Variants in TBC1D22A observed in about 807,000 individuals in gnomAD.
The protein encoded by TBC1D22A is TBC1 domain family member 22A.
TBC1D22A carries 38 observed loss-of-function variants against 60.2 expected under a neutral mutation model. That is an observed-to-expected ratio of 0.63 (90% CI 0.49 to 0.83). The LOEUF is 0.83. Among genes scored for constraint, TBC1D22A ranks in the 40% least tolerant of loss-of-function variants. The probability of loss-of-function intolerance (pLI) is 0.00; values close to 1 mark genes in which losing one functional copy is unlikely to be tolerated. For synonymous variants in TBC1D22A, 302 were observed against 281.7 expected (o/e 1.07, Z -0.72); for missense variants, 628 against 701.0 (o/e 0.90, Z 1.18).
intron 11 of TBC1D22A, among the ~76,000 whole-genome samples, chr22:47,094,663 A>C (rs746784789): frequency 3.9e-5 from 6 of 152,198 alleles, no homozygotes; most frequent in Non-Finnish European, 8.8e-5. Flanking sequence ...CCAAAGAATA[A>C]ATATCCATTG....
intron 4 of TBC1D22A, among the ~76,000 whole-genome samples, chr22:46,809,621 G>A (rs762666226): frequency 5.9e-5 from 9 of 152,044 alleles, no homozygotes; most frequent in African/African-American, 9.7e-5. Flanking sequence ...CAGGACCATG[G>A]GCTTTGGGGT....
At chr22:46,957,666 C>T (rs1025113952) in intron 8 of TBC1D22A, among the ~76,000 whole-genome samples, 7 of 152,148 alleles carry the variant, frequency 4.6e-5, no homozygotes. Context: ...GGAACTGGCT[C>T]GGGATCCCAG....
intron 4 of TBC1D22A, among the ~76,000 whole-genome samples, chr22:46,803,668 CTCAGAAGAGAATAACG>C (rs1278146431): frequency 1.3e-5 from 2 of 152,230 alleles, no homozygotes; most frequent in Non-Finnish European, 2.9e-5. Context: ...CAGGCACAGC[CTCAGAAGAGAATAACG>C]TGAGGGACGA....
intron 11 of TBC1D22A, among the ~76,000 whole-genome samples, chr22:47,044,041 C>T (rs937861582): frequency 1.2e-5 from 1 of 85,844 alleles, no homozygotes; most frequent in Non-Finnish European, 2.4e-5. Context: ...TCATAGCAGC[C>T]CAGGCAGCTG....
intron 12 of TBC1D22A, among the ~76,000 whole-genome samples, chr22:47,159,409 T>C (rs1444841269): frequency 6.8e-6 from 1 of 146,224 alleles, no homozygotes; most frequent in Non-Finnish European, 1.5e-5. Flanking sequence ...ACTCTCACCA[T>C]GTATACACAC....
At chr22:47,104,174 T>C (rs945921861) in intron 11 of TBC1D22A, among the ~76,000 whole-genome samples, 3 of 151,802 alleles carry the variant, frequency 2.0e-5, no homozygotes, top group African/African-American at 7.3e-5. Context: ...GGTGTGGTGG[T>C]GTGTGCCTGT....
At chr22:46,939,282 CTG>C (rs1216891053) in intron 8 of TBC1D22A, among the ~76,000 whole-genome samples, 1 of 152,218 alleles carries the variant, frequency 6.6e-6, no homozygotes, top group Non-Finnish European at 1.5e-5. Context: ...AATTCGCAGA[CTG>C]TGCACCTTCA....
rs563180307 is a variant in TBC1D22A, at chr22:47,137,829, A to AGGGAGTG, written c.1425+26239_1425+26245dup. Among the ~76,000 whole-genome samples, 261 of 151,990 alleles carry AGGGAGTG rather than the reference A, an allele frequency of 1.7e-3. 1 individual carries two copies. The highest frequency in any genetic ancestry group is 6.1e-3 in the African/African-American group (253 of 41,474). ...CAGTGGGGAGTCGGGAGTGGAGAGT[A>AGGGAGTG]GGGAGTGGGGAGTGGGGAGCGGGGA... On this transcript the variant is annotated intron_variant, in intron 12 of 12. Transcript: ENST00000337137.
chr22:46,942,513 G>C (rs1450842974), intron 8 of TBC1D22A, among the ~76,000 whole-genome samples: 1 of 152,158 alleles, frequency 6.6e-6, no homozygotes, highest in Non-Finnish European at 1.5e-5. Context: ...AATAAGAATT[G>C]TATAGTATTC....
At position 46,918,916 on chromosome 22, in the gene TBC1D22A, G is replaced by A. The variant is rs187898967; in HGVS notation, c.1015+6728G>A. On this transcript the variant is annotated intron_variant, in intron 8 of 12. Coordinates refer to ENST00000337137, the MANE Select transcript of TBC1D22A (RefSeq NM_014346.5). Reference sequence around the variant, plus strand: ...CCGTCATCTGACTCCAGCAGTCACCGTTCTCCTTCCTTCTGTCCCCCACCC... The same window carrying A: ...CCGTCATCTGACTCCAGCAGTCACCATTCTCCTTCCTTCTGTCCCCCACCC... Among the ~76,000 whole-genome samples the A allele has an allele frequency of 1.5e-3, 235 of 152,182 alleles. 1 individual carries two copies. The highest frequency in any genetic ancestry group is 5.4e-3 in the African/African-American group (223 of 41,530).
chr22:46,865,670 A>T (rs1375987073), intron 4 of TBC1D22A, among the ~76,000 whole-genome samples: 1 of 152,190 alleles, frequency 6.6e-6, no homozygotes, highest in South Asian at 2.1e-4. Flanking sequence ...CTGCACAGGC[A>T]TGTCCACAGG....
intron 10 of TBC1D22A, among the ~76,000 whole-genome samples, chr22:47,033,908 G>A (rs1297473804): frequency 3.9e-5 from 6 of 152,070 alleles, no homozygotes; most frequent in African/African-American, 4.8e-5. Flanking sequence ...TTCATTCTGG[G>A]GGCCAGTGTC....
At chr22:46,798,586 T>C (rs2084759251) in intron 4 of TBC1D22A, among the ~76,000 whole-genome samples, 1 of 152,280 alleles carries the variant, frequency 6.6e-6, no homozygotes, top group South Asian at 2.1e-4. Flanking sequence ...ACGTCCTTCC[T>C]TTCCCTATCT....
At chr22:47,035,209 C>T (rs1464967714) in intron 10 of TBC1D22A, among the ~76,000 whole-genome samples, 2 of 152,222 alleles carry the variant, frequency 1.3e-5, no homozygotes, top group Non-Finnish European at 2.9e-5. Context: ...GGGACCCCCA[C>T]CCCCGCCTGC....
chr22:46,766,284 A>G (rs895796424), intron 1 of TBC1D22A, among the ~76,000 whole-genome samples: 3 of 152,046 alleles, frequency 2.0e-5, no homozygotes, highest in Non-Finnish European at 4.4e-5. Context: ...GGCTTGAGCC[A>G]CTGTGCCCGG....
intron 11 of TBC1D22A, among the ~76,000 whole-genome samples, chr22:47,091,611 G>C (rs1003725259): frequency 6.6e-6 from 1 of 152,100 alleles, no homozygotes. Context: ...TCGTCTTTCG[G>C]GGAGTGGCCT....
At chr22:47,018,842 C>G (rs1472965968) in intron 10 of TBC1D22A, among the ~76,000 whole-genome samples, 2 of 152,176 alleles carry the variant, frequency 1.3e-5, no homozygotes, top group Non-Finnish European at 2.9e-5. Flanking sequence ...CCTCAGGGCC[C>G]TCGCCTGTCA....
chr22:47,101,039 C>T (rs181328759), intron 11 of TBC1D22A, among the ~76,000 whole-genome samples: 1 of 152,130 alleles, frequency 6.6e-6, no homozygotes, highest in Admixed American at 6.5e-5. Context: ...ATGGCACTCC[C>T]GGGAGCCCTT....
intron 11 of TBC1D22A, among the ~76,000 whole-genome samples, chr22:47,053,603 G>C (rs1301188661): frequency 6.6e-6 from 1 of 152,258 alleles, no homozygotes; most frequent in African/African-American, 2.4e-5. Context: ...AGAGACGCCA[G>C]CGAGGAGGGA....
Sources: allele counts gnomAD v4.1 joint callset (sites outside exome capture counted in the v4.1 genomes callset), GRCh38; gene constraint gnomAD v4.1.1; transcripts MANE v1.5; gene names NCBI Gene and HGNC (gene_info 2026-07-23, HGNC 2026-07-21).